The following IGSF5 variants were observed in gnomAD, a reference collection of about 807,000 sequenced individuals.
IGSF5 encodes immunoglobulin superfamily member 5.
A neutral mutation model predicts 39.4 loss-of-function variants in IGSF5; 41 were observed. The observed-to-expected ratio is 1.04, with a 90% CI of 0.81 to 1.35. The LOEUF (loss-of-function observed/expected upper bound fraction) is 1.35, where lower values mean the gene tolerates loss of function less well. IGSF5 is among the 40% of genes most tolerant of loss of function. IGSF5 has a pLI of 0.00. For missense variants in IGSF5, 487 were observed against 494.6 expected (o/e 0.98, Z 0.15); for synonymous variants, 183 against 175.3 (o/e 1.04, Z -0.34).
the IGSF5 span, among the ~76,000 whole-genome samples, chr21:39,728,500 G>A: frequency 6.6e-6 from 1 of 152,196 alleles, no homozygotes; most frequent in East Asian, 1.9e-4. Flanking sequence ...CTTGATCTTG[G>A]ACTCCCAACC....
chr21:39,768,436 A>G (rs900064606), intron 3 of IGSF5, among the ~76,000 whole-genome samples: 19 of 152,242 alleles, frequency 1.2e-4, no homozygotes, highest in African/African-American at 4.6e-4. Flanking sequence ...AGGGTTTGTC[A>G]TGCTACTGGC....
chr21:39,794,911 G>A (rs892298690), intron 8 of IGSF5, among the ~76,000 whole-genome samples: 20 of 152,166 alleles, frequency 1.3e-4, no homozygotes, highest in African/African-American at 4.8e-4. Flanking sequence ...ATTCAGCTCA[G>A]TAACCTACAT....
the IGSF5 span, among the ~76,000 whole-genome samples, chr21:39,736,951 A>G: frequency 1.3e-5 from 2 of 152,156 alleles, no homozygotes; most frequent in Admixed American, 1.3e-4. Context: ...GCACAAATGC[A>G]CTACCCTGAC....
rs376895843 is a variant in IGSF5, at chr21:39,767,233, A to G, written c.418+1381A>G. ...GTTATCTATCAGAGAGACCCCTGAG[A>G]TGGCTCAATTTCTTCATCTTTAACC... On this transcript the variant is annotated intron_variant, in intron 3 of 8. Coordinates refer to ENST00000380588, the MANE Select transcript of IGSF5 (RefSeq NM_001080444.2). Among the ~76,000 whole-genome samples, 9 of 152,360 alleles carry G rather than the reference A, an allele frequency of 5.9e-5. No individual in the cohort carries two copies. The South Asian group carries it at 1.0e-3, about 18-fold the overall frequency.
chr21:39,787,807 T>G (rs2086932365), intron 5 of IGSF5, among the ~76,000 whole-genome samples: 1 of 152,164 alleles, frequency 6.6e-6, no homozygotes, highest in African/African-American at 2.4e-5. Flanking sequence ...CAGCAGTGAT[T>G]GATAACACAG....
At chr21:39,730,185 A>G in the IGSF5 span, 1 of 152,238 alleles carries the variant, frequency 6.6e-6, no homozygotes, top group African/African-American at 2.4e-5. Context: ...TAGTGGCAGC[A>G]TAATTCTGGC....
intron 2 of IGSF5, among the ~76,000 whole-genome samples, chr21:39,763,789 G>C (rs1445877627): frequency 1.3e-5 from 2 of 152,114 alleles, no homozygotes; most frequent in Non-Finnish European, 2.9e-5. Context: ...GCGCAGACTC[G>C]GCTGTTTTCT....
chr21:39,722,111 A>C, the IGSF5 span, among the ~76,000 whole-genome samples: 6 of 152,204 alleles, frequency 3.9e-5, no homozygotes, highest in Non-Finnish European at 7.3e-5. Flanking sequence ...TGGCTAGCTG[A>C]CTTCTGATAT....
intron 3 of IGSF5, among the ~76,000 whole-genome samples, chr21:39,770,242 T>G (rs1239062288): frequency 6.6e-6 from 1 of 151,240 alleles, no homozygotes; most frequent in East Asian, 2.0e-4. Context: ...TTGTTTGCAG[T>G]ATGAATGCTG....
chr21:39,719,875 C>G, the IGSF5 span, among the ~76,000 whole-genome samples: 1 of 152,212 alleles, frequency 6.6e-6, no homozygotes. Context: ...CTGGCAACAC[C>G]CTGGGCCAAG....
At position 39,792,100 on chromosome 21, in the gene IGSF5, G is replaced by A. The variant is rs1322196895; in HGVS notation, c.1048+1G>A. ...AATTCAGATGAACAAAAGACCACAG[G>A]TGAGTAGACAAGAGGGGTGGTGAAA... On this transcript the variant is annotated splice_donor_variant, in intron 7 of 8. Coordinates refer to ENST00000380588, the MANE Select transcript of IGSF5 (RefSeq NM_001080444.2). LOFTEE classifies it high-confidence loss of function. 6.2e-7 allele frequency: 1 copy of A among 1,600,510 alleles called. No homozygotes were observed. The highest frequency in any genetic ancestry group is 8.5e-7 in the Non-Finnish European group (1 of 1,170,614).
At chr21:39,770,840 A>G in intron 3 of IGSF5, 76 bp from the exon 4 acceptor site, 5 of 1,127,816 alleles carry the variant, frequency 4.4e-6, no homozygotes, top group Non-Finnish European at 5.8e-6. Context: ...TAAAAAAAAA[A>G]AGAAAAAAAA....
chr21:39,764,113 A>C (rs530108337), intron 2 of IGSF5, among the ~76,000 whole-genome samples: 70 of 152,196 alleles, frequency 4.6e-4, no homozygotes, highest in African/African-American at 1.7e-3. Flanking sequence ...ACCTAAAGCC[A>C]GTGGGCCCCT....
At chr21:39,762,820 C>T (rs2080067761) in intron 2 of IGSF5, among the ~76,000 whole-genome samples, 1 of 152,104 alleles carries the variant, frequency 6.6e-6, no homozygotes, top group African/African-American at 2.4e-5. Flanking sequence ...ACTCCCCAGT[C>T]CCTTAGATAA....
chr21:39,727,655 T>C, the IGSF5 span: 1 of 152,208 alleles, frequency 6.6e-6, no homozygotes, highest in Admixed American at 6.5e-5. Context: ...CCTGGTTAGC[T>C]GCAGGTGGCG....
At chr21:39,718,384 T>C in the IGSF5 span, among the ~76,000 whole-genome samples, 1 of 152,208 alleles carries the variant, frequency 6.6e-6, no homozygotes, top group African/African-American at 2.4e-5. Flanking sequence ...TCCAATACTA[T>C]GCTGAATGGA....
chr21:39,792,468 T>C (rs987708320), intron 7 of IGSF5, among the ~76,000 whole-genome samples: 1 of 152,172 alleles, frequency 6.6e-6, no homozygotes. Context: ...ACAAGGCACA[T>C]GTATACATAT....
At chr21:39,756,780 G>C (rs1353162683) in intron 2 of IGSF5, among the ~76,000 whole-genome samples, 1 of 152,124 alleles carries the variant, frequency 6.6e-6, no homozygotes, top group African/African-American at 2.4e-5. Context: ...GAGTGTCTTG[G>C]ATAAGCCTCT....
At chr21:39,724,688 T>A in the IGSF5 span, among the ~76,000 whole-genome samples, 2 of 152,234 alleles carry the variant, frequency 1.3e-5, no homozygotes, top group African/African-American at 4.8e-5. Context: ...TGTGTATGTC[T>A]TTTATCAGCA....
Sources: allele counts gnomAD v4.1 joint callset (sites outside exome capture counted in the v4.1 genomes callset), GRCh38; gene constraint gnomAD v4.1.1; transcripts MANE v1.5; gene names NCBI Gene and HGNC (gene_info 2026-07-23, HGNC 2026-07-21).